The following NR4A1 variants were observed in gnomAD, a reference collection of about 807,000 sequenced individuals.
NR4A1 encodes the protein nuclear receptor subfamily 4immunitygroup A member 1.
Under a neutral mutation model 47.5 loss-of-function variants are expected in NR4A1, and 24 were observed. The ratio of observed to expected loss-of-function variants is 0.50; its 90% confidence interval spans 0.37 to 0.71. The LOEUF (loss-of-function observed/expected upper bound fraction) is 0.71, where lower values mean the gene tolerates loss of function less well. Among genes scored for constraint, NR4A1 ranks in the 30% least tolerant of loss-of-function variants. NR4A1 has a pLI of 0.00. For synonymous variants in NR4A1, 353 were observed against 345.7 expected (o/e 1.02, Z -0.24); for missense variants, 669 against 788.6 (o/e 0.85, Z 1.82).
chr12:52,055,923 G>C, intron 2 of NR4A1, 107 bp from the exon 3 acceptor site: 1 of 578,672 alleles, frequency 1.7e-6, no homozygotes, highest in South Asian at 3.2e-5. Context: ...TGAACAGAGA[G>C]CGCTTTTGTC....
At chr12:52,045,310 G>T (rs951063450) in intron 2 of NR4A1, among the ~76,000 whole-genome samples, 4 of 152,248 alleles carry the variant, frequency 2.6e-5, no homozygotes, top group Non-Finnish European at 4.4e-5. Context: ...GCTGCAGGCT[G>T]CTGTGGTTGT....
At chr12:52,055,292 TCTC>T (rs758898874) in intron 2 of NR4A1, 88 bp downstream of exon 2, 1 of 1,541,874 alleles carries the variant, frequency 6.5e-7, no homozygotes, top group African/African-American at 1.4e-5. Context: ...CCCCCTGGGT[TCTC>T]CTCCTAGCTA....
upstream of NR4A1, among the ~76,000 whole-genome samples, chr12:52,049,076 G>A (rs894764078): frequency 6.6e-6 from 1 of 152,114 alleles, no homozygotes; most frequent in African/African-American, 2.4e-5. Context: ...TGGGATGGAG[G>A]GTTCTGGCAG....
intron 6 of NR4A1, 94 bp from the exon 7 acceptor site, chr12:52,058,594 T>TGGTCAGGGGC (rs1164503212): frequency 7.3e-5 from 102 of 1,399,434 alleles, no homozygotes; most frequent in Admixed American, 2.5e-4. Context: ...GCATGAGGGG[T>TGGTCAGGGGC]GGTCAGGGGC....
intron 1 of NR4A1, among the ~76,000 whole-genome samples, chr12:52,035,126 G>C (rs1938208893): frequency 6.6e-6 from 1 of 152,188 alleles, no homozygotes. Flanking sequence ...AGTGCCTGCT[G>C]TGTACAAGGT....
intron 1 of NR4A1, among the ~76,000 whole-genome samples, chr12:52,026,577 C>T (rs1207570368): frequency 2.6e-5 from 4 of 152,312 alleles, no homozygotes; most frequent in Non-Finnish European, 4.4e-5. Context: ...AACTGAGGCC[C>T]GGACAGCTTA....
Position 52,056,707 on chromosome 12 carries a change from G to C in NR4A1, c.1158+62G>C, listed in dbSNP as rs373604393. 2,156 of 1,318,084 alleles carry C rather than the reference G, an allele frequency of 1.6e-3. 2 individuals carry two copies. Among genetic ancestry groups the C allele is most frequent in the Middle Eastern group, 0.014 (68 of 4,710 alleles). The allele number at this position is 1,318,084 out of a possible 1,614,324, so 81.6% of individuals were successfully genotyped here. A position where few individuals can be genotyped will look rare whatever the true frequency, so the allele number is the denominator to read the frequency against. Reference sequence around the variant, plus strand: ...ATGAGCACATGCAGTGCCTTTGTGCGTGTTAGGAGAGCTACCCCCTCTGGA... The same window carrying C: ...ATGAGCACATGCAGTGCCTTTGTGCCTGTTAGGAGAGCTACCCCCTCTGGA... On this transcript the variant is annotated intron_variant, in intron 4 of 6. Transcript: ENST00000394825.
Position 52,051,483 on chromosome 12 carries a change from G to T in NR4A1, c.-88G>T. 1.0e-6 allele frequency: 1 copy of T among 985,624 alleles called. No individual in the cohort carries two copies. Among genetic ancestry groups the T allele is most frequent in the Non-Finnish European group, 1.2e-6 (1 of 830,064 alleles). The allele number at this position is 985,624 out of a possible 1,614,324, so 61.1% of individuals were successfully genotyped here. ...GCTACGAAACTTGGGGGAGTGCACA[G>T]AAGAACTTCGGGAGCGCACGCGGGA... On this transcript the variant is annotated 5_prime_UTR_variant, in exon 1 of 7. Transcript: ENST00000394825.
intron 1 of NR4A1, among the ~76,000 whole-genome samples, chr12:52,024,437 G>A (rs1437490906): frequency 6.6e-6 from 1 of 152,212 alleles, no homozygotes; most frequent in East Asian, 1.9e-4. Context: ...GGCCAGAGGG[G>A]TGGCTCACCA....
At chr12:52,055,347 C>A in intron 2 of NR4A1, 143 bp downstream of exon 2, 2 of 1,105,466 alleles carry the variant, frequency 1.8e-6, no homozygotes, top group Non-Finnish European at 2.6e-6. Context: ...CCAGGTGGGC[C>A]GCCTTCCTGG....
At chr12:52,051,375 C>T, upstream of NR4A1, 6 of 985,366 alleles carry the variant, frequency 6.1e-6, no homozygotes, top group Non-Finnish European at 7.2e-6. Context: ...CGGCCTGCGT[C>T]AGTGGCGCCC....
chr12:52,048,581 G>C (rs193129476), upstream of NR4A1, among the ~76,000 whole-genome samples: 294 of 152,260 alleles, frequency 1.9e-3, 5 homozygotes, highest in Admixed American at 0.017. Context: ...GTGACAGAGC[G>C]AGACTCCGTC....
chr12:52,059,343 T>G lies in NR4A1; in HGVS notation c.*399T>G. The G allele has an allele frequency of 5.5e-6, 1 of 181,518 alleles. No individual in the cohort carries two copies. Among genetic ancestry groups the G allele is most frequent in the Non-Finnish European group, 1.1e-5 (1 of 88,222 alleles). 11.2% of individuals were successfully genotyped at this position (181,518 alleles called of 1,614,324 possible). The stretch of plus-strand genomic sequence containing the variant: ...TTTCCAGCCTCCTGCTGGCTCTCTC[T>G]TCCTACCCTCCTTCCACATGTACAT... On this transcript the variant is annotated 3_prime_UTR_variant, in exon 7 of 7. Transcript: ENST00000394825.
intron 2 of NR4A1, among the ~76,000 whole-genome samples, chr12:52,042,762 C>T (rs1938486848): frequency 6.6e-6 from 1 of 152,182 alleles, no homozygotes; most frequent in Admixed American, 6.5e-5. Flanking sequence ...GCAGGCCTTT[C>T]CTGGGGACAT....
At chr12:52,037,193 G>A (rs1173971840) in intron 1 of NR4A1, 2 of 181,460 alleles carry the variant, frequency 1.1e-5, no homozygotes, top group African/African-American at 4.8e-5. Context: ...CGGGGGCGGG[G>A]GGCGCCGCGC....
At chr12:52,024,984 A>G (rs537454565) in intron 1 of NR4A1, among the ~76,000 whole-genome samples, 1 of 151,414 alleles carries the variant, frequency 6.6e-6, no homozygotes, top group African/African-American at 2.4e-5. Flanking sequence ...CTGAGACTGC[A>G]CGAGCTCTGC....
chr12:52,027,069 G>T (rs1408921274), intron 1 of NR4A1, among the ~76,000 whole-genome samples: 2 of 152,200 alleles, frequency 1.3e-5, no homozygotes, highest in African/African-American at 4.8e-5. Context: ...CAGAGCTGTG[G>T]GCCCCCCACA....
chr12:52,029,812 T>C (rs1026193997), intron 1 of NR4A1, among the ~76,000 whole-genome samples: 1 of 152,198 alleles, frequency 6.6e-6, no homozygotes, highest in Non-Finnish European at 1.5e-5. Flanking sequence ...GCCTGCCTCA[T>C]GTCTCTCCAG....
intron 1 of NR4A1, 80 bp downstream of exon 1, chr12:52,051,648 ATG>A: frequency 1.1e-6 from 1 of 912,948 alleles, no homozygotes; most frequent in Non-Finnish European, 1.3e-6. Context: ...GGCAGAGAGG[ATG>A]TTGTAGGGCC....
Sources: gnomAD v4.1 joint callset for allele counts (sites outside exome capture counted in the v4.1 genomes callset) on GRCh38, gnomAD v4.1.1 for gene constraint, MANE v1.5 for transcripts, NCBI Gene and HGNC (gene_info 2026-07-23, HGNC 2026-07-21) for gene names.